The following FTO variants were observed in gnomAD, a reference collection of about 807,000 sequenced individuals.
The protein encoded by FTO is alpha-ketoglutarate-dependent dioxygenase FTO.
Under a neutral mutation model 63.9 loss-of-function variants are expected in FTO, and 47 were observed. The observed-to-expected ratio is 0.74, with a 90% confidence interval of 0.58 to 0.94. The LOEUF (loss-of-function observed/expected upper bound fraction) is 0.94, where lower values mean the gene tolerates loss of function less well. FTO is among the 40% of genes least tolerant of loss of function. The pLI is 0.00. For synonymous variants in FTO, 207 were observed against 224.4 expected (o/e 0.92, Z 0.69); for missense variants, 562 against 618.1 (o/e 0.91, Z 0.96).
chr16:54,086,170 T>C (rs1401888542), intron 8 of FTO, among the ~76,000 whole-genome samples: 1 of 152,066 alleles, frequency 6.6e-6, no homozygotes, highest in Non-Finnish European at 1.5e-5. Flanking sequence ...CTGGGCAAAA[T>C]CCTATAACAC....
chr16:53,952,373 A>C (rs1032029040), intron 8 of FTO, among the ~76,000 whole-genome samples: 2 of 152,192 alleles, frequency 1.3e-5, no homozygotes, highest in Non-Finnish European at 2.9e-5. Context: ...GCATATGATA[A>C]TGCCATGATT....
At chr16:53,722,720 C>T (rs565866620) in intron 1 of FTO, among the ~76,000 whole-genome samples, 39 of 151,580 alleles carry the variant, frequency 2.6e-4, no homozygotes, top group African/African-American at 9.0e-4. Flanking sequence ...ACCAGCTACT[C>T]GGGAAGCTGA....
chr16:53,890,888 A>G (rs573709556), intron 7 of FTO, among the ~76,000 whole-genome samples: 1 of 152,174 alleles, frequency 6.6e-6, no homozygotes, highest in Non-Finnish European at 1.5e-5. Context: ...AGAACCTCTT[A>G]ACTTGATGAA....
intron 8 of FTO, among the ~76,000 whole-genome samples, chr16:54,077,123 T>C (rs2086016988): frequency 6.6e-6 from 1 of 152,264 alleles, no homozygotes; most frequent in African/African-American, 2.4e-5. Context: ...AAATCATGGA[T>C]TGATTTGCAG....
chr16:53,946,766 A>G (rs545108475), intron 8 of FTO, among the ~76,000 whole-genome samples: 1 of 151,924 alleles, frequency 6.6e-6, no homozygotes, highest in Non-Finnish European at 1.5e-5. Context: ...GGCCAGCAAA[A>G]CCTCCACCCC....
chr16:53,877,927 A>G (rs968609987), intron 5 of FTO, among the ~76,000 whole-genome samples: 1 of 152,240 alleles, frequency 6.6e-6, no homozygotes, highest in Non-Finnish European at 1.5e-5. Flanking sequence ...AATGCAATTA[A>G]TAACCTATGT....
intron 8 of FTO, among the ~76,000 whole-genome samples, chr16:53,943,933 G>A (rs963473799): frequency 3.9e-5 from 6 of 152,108 alleles, no homozygotes; most frequent in Non-Finnish European, 8.8e-5. Context: ...CAAGACCTGC[G>A]TCACTTTAAA....
chr16:53,707,826 T>TTTTA (rs1390800785), intron 1 of FTO, among the ~76,000 whole-genome samples: 1 of 152,250 alleles, frequency 6.6e-6, no homozygotes, highest in Non-Finnish European at 1.5e-5. Flanking sequence ...CACCGTCTTA[T>TTTTA]TTTAGAACAG....
Position 53,873,741 on chromosome 16 carries a change from G to T in FTO, c.896-45G>T, listed in dbSNP as rs768728665. Reference sequence around the variant, plus strand: ...AGTTAAATAATATATAGTATATACTGACTAATAAATATGGTTTTATACATT... The same window carrying T: ...AGTTAAATAATATATAGTATATACTTACTAATAAATATGGTTTTATACATT... On this transcript the variant is annotated intron_variant, in intron 4 of 8. Transcript: ENST00000471389. 3.6e-6 allele frequency: 5 copies of T among 1,399,792 alleles called. No homozygotes were observed. In the South Asian group the frequency reaches 5.8e-5, roughly 16 times the overall value. 86.7% of individuals were successfully genotyped at this position (1,399,792 alleles called of 1,614,324 possible). A position where few individuals can be genotyped will look rare whatever the true frequency, so the allele number is the denominator to read the frequency against.
At chr16:53,879,810 C>T (rs2080772614) in intron 5 of FTO, 34 bp from the exon 6 acceptor site, 2 of 1,612,472 alleles carry the variant, frequency 1.2e-6, no homozygotes, top group East Asian at 2.2e-5. Flanking sequence ...TTAGATTTTG[C>T]CCATAATTGT....
intron 3 of FTO, among the ~76,000 whole-genome samples, chr16:53,827,780 T>C (rs1391221383): frequency 6.6e-6 from 1 of 152,206 alleles, no homozygotes; most frequent in African/African-American, 2.4e-5. Context: ...GCTGTCCTAA[T>C]GGAAAGAACG....
chr16:53,710,946 C>T (rs546990415), intron 1 of FTO, among the ~76,000 whole-genome samples: 1 of 152,136 alleles, frequency 6.6e-6, no homozygotes, highest in Admixed American at 6.5e-5. Context: ...TCTGCTCCCT[C>T]ATTTACTTGC....
rs748415460 is a variant in FTO, at chr16:54,081,669, G to A, written c.1365-30093G>A. 7.9e-5 allele frequency among the ~76,000 whole-genome samples: 12 copies of A among 152,294 alleles called. No homozygotes were observed. In the South Asian group the frequency reaches 1.9e-3, roughly 24 times the overall value. ...GGCATTGTTTGGAGATAGGGCATGT[G>A]TAGGAATAGTAGGAGGCACCTAATC... On this transcript the variant is annotated intron_variant, in intron 8 of 8. Transcript: ENST00000471389.
chr16:54,022,129 A>G (rs2084615985), intron 8 of FTO, among the ~76,000 whole-genome samples: 1 of 152,174 alleles, frequency 6.6e-6, no homozygotes, highest in Non-Finnish European at 1.5e-5. Flanking sequence ...ATCGGAAGAA[A>G]AAAACAAAAA....
At chr16:54,009,478 A>G (rs2144062901) in intron 8 of FTO, among the ~76,000 whole-genome samples, 1 of 152,328 alleles carries the variant, frequency 6.6e-6, no homozygotes. Context: ...GCAGAAAACA[A>G]TGGTGGATGC....
intron 8 of FTO, among the ~76,000 whole-genome samples, chr16:54,052,928 T>C (rs1355875695): frequency 6.6e-6 from 1 of 152,052 alleles, no homozygotes; most frequent in African/African-American, 2.4e-5. Flanking sequence ...TCTCGAACTC[T>C]TGACCTCAGG....
intron 7 of FTO, among the ~76,000 whole-genome samples, chr16:53,892,103 C>T (rs144664519): frequency 3.3e-5 from 5 of 152,154 alleles, no homozygotes; most frequent in African/African-American, 1.2e-4. Flanking sequence ...TTCTATTGGA[C>T]AAGACAGAAC....
chr16:53,825,970 G>A lies in FTO; in HGVS notation c.230G>A (p.Cys77Tyr). 6.2e-7 allele frequency: 1 copy of A among 1,614,152 alleles called. No homozygotes were observed. The highest frequency in any genetic ancestry group is 8.5e-7 in the Non-Finnish European group (1 of 1,180,026). The change falls in exon 3 of 9, where the codon TGC becomes TAC. Residue 77 changes from cysteine to tyrosine, a missense_variant. Transcript: ENST00000471389. ...EAFLTLHKHG[C>Y]LFRDLVRIQG... The stretch of plus-strand genomic sequence containing the variant: ...TTTCTCACACTGCACAAGCATGGCT[G>A]CTTATTTCGGGACCTGGTTAGGATC...
upstream of FTO, chr16:53,704,002 T>C (rs547456904): frequency 2.0e-5 from 14 of 691,972 alleles, no homozygotes; most frequent in East Asian, 3.2e-4. Flanking sequence ...AATTCTCCTG[T>C]GCTAAATCCC....
Sources: gnomAD v4.1 joint callset for allele counts (sites outside exome capture counted in the v4.1 genomes callset) on GRCh38, gnomAD v4.1.1 for gene constraint, MANE v1.5 for transcripts, NCBI Gene and HGNC (gene_info 2026-07-23, HGNC 2026-07-21) for gene names.